The following TMEM135 variants were observed in gnomAD, a reference collection of about 807,000 sequenced individuals.
TMEM135 encodes transmembrane protein 135.
Under a neutral mutation model 60.3 loss-of-function variants are expected in TMEM135, and 30 were observed. That is an observed-to-expected ratio of 0.50 (90% CI 0.37 to 0.68). TMEM135 has a LOEUF of 0.68. TMEM135 is among the 30% of genes least tolerant of loss of function. The probability of loss-of-function intolerance (pLI) is 0.00; values close to 1 mark genes in which losing one functional copy is unlikely to be tolerated. For missense variants in TMEM135, 468 were observed against 548.8 expected (o/e 0.85, Z 1.47); for synonymous variants, 190 against 186.7 (o/e 1.02, Z -0.14).
intron 4 of TMEM135, among the ~76,000 whole-genome samples, chr11:87,139,136 T>A (rs778021424): frequency 6.6e-6 from 1 of 152,194 alleles, no homozygotes; most frequent in East Asian, 1.9e-4. Context: ...CTAAAGCATA[T>A]GAATTTCTTT....
At chr11:87,042,079 A>G (rs1272741177) in intron 1 of TMEM135, among the ~76,000 whole-genome samples, 1 of 152,246 alleles carries the variant, frequency 6.6e-6, no homozygotes, top group Non-Finnish European at 1.5e-5. Flanking sequence ...GCATGTACCA[A>G]TTTATTTAAC....
intron 5 of TMEM135, among the ~76,000 whole-genome samples, chr11:87,224,841 A>G (rs147821649): frequency 1.0e-3 from 154 of 151,216 alleles, no homozygotes; most frequent in African/African-American, 3.6e-3. Context: ...GTAAGTTTAT[A>G]TAAACACATT....
intron 1 of TMEM135, among the ~76,000 whole-genome samples, chr11:87,061,693 G>T (rs1463570067): frequency 6.6e-6 from 1 of 152,134 alleles, no homozygotes; most frequent in Non-Finnish European, 1.5e-5. Context: ...TTTATTCCAT[G>T]GCCGTAAAGT....
chr11:87,038,306 G>C, intron 1 of TMEM135, 120 bp downstream of exon 1: 1 of 1,268,362 alleles, frequency 7.9e-7, no homozygotes, highest in Non-Finnish European at 1.1e-6. Context: ...CTTTTGGAGG[G>C]GTCGGAGTGT....
intron 5 of TMEM135, among the ~76,000 whole-genome samples, chr11:87,211,971 G>C (rs1373685466): frequency 6.6e-6 from 1 of 151,920 alleles, no homozygotes; most frequent in Non-Finnish European, 1.5e-5. Context: ...AAAAGAAAAG[G>C]CTCATTGGCC....
At chr11:87,231,439 A>G (rs1208937905) in intron 5 of TMEM135, among the ~76,000 whole-genome samples, 1 of 152,238 alleles carries the variant, frequency 6.6e-6, no homozygotes, top group African/African-American at 2.4e-5. Flanking sequence ...GTAATGGGGA[A>G]TAATTAGCCC....
intron 4 of TMEM135, among the ~76,000 whole-genome samples, chr11:87,138,900 CAT>C (rs745711346): frequency 2.6e-5 from 4 of 152,160 alleles, no homozygotes; most frequent in Non-Finnish European, 5.9e-5. Flanking sequence ...TAATTGGTGA[CAT>C]GTGGAATTTT....
At chr11:87,226,312 T>C (rs529516167) in intron 5 of TMEM135, among the ~76,000 whole-genome samples, 1 of 152,314 alleles carries the variant, frequency 6.6e-6, no homozygotes, top group South Asian at 2.1e-4. Flanking sequence ...GCTCTGAGAG[T>C]ATACTTGAAT....
rs546864589 is a variant in TMEM135 at position 87,115,587 on chromosome 11, T to C, written c.396+24192T>C. On this transcript the variant is annotated intron_variant, in intron 4 of 14. Coordinates refer to ENST00000305494, the MANE Select transcript of TMEM135 (RefSeq NM_022918.4). Reference sequence around the variant, plus strand: ...AAATTGTGCAATTTAATGGTTTAATTGGCATAGACTTTTCTATTAGTTTTT... The same window carrying C: ...AAATTGTGCAATTTAATGGTTTAATCGGCATAGACTTTTCTATTAGTTTTT... 2.6e-5 allele frequency among the ~76,000 whole-genome samples: 4 copies of C among 152,252 alleles called. No homozygotes were observed. In the South Asian group the frequency reaches 8.3e-4, roughly 32 times the overall value.
chr11:87,227,511 A>T (rs956594286), intron 5 of TMEM135, among the ~76,000 whole-genome samples: 1 of 152,118 alleles, frequency 6.6e-6, no homozygotes, highest in Admixed American at 6.6e-5. Context: ...GAATAGAAAC[A>T]TAAAAAAAAA....
intron 4 of TMEM135, among the ~76,000 whole-genome samples, chr11:87,105,206 G>T (rs987485783): frequency 6.6e-6 from 1 of 152,096 alleles, no homozygotes; most frequent in African/African-American, 2.4e-5. Flanking sequence ...ATATCACAGG[G>T]GTCCCCAAAC....
intron 5 of TMEM135, among the ~76,000 whole-genome samples, chr11:87,169,932 T>G (rs1939184848): frequency 6.6e-6 from 1 of 152,204 alleles, no homozygotes; most frequent in Non-Finnish European, 1.5e-5. Context: ...CATTTTCAGG[T>G]ACACCAATCA....
At chr11:87,294,681 C>G (rs1942319623) in intron 6 of TMEM135, among the ~76,000 whole-genome samples, 1 of 152,172 alleles carries the variant, frequency 6.6e-6, no homozygotes, top group African/African-American at 2.4e-5. Flanking sequence ...CTACACCCGG[C>G]CTAGGCCTTA....
At chr11:87,214,473 A>T (rs1237058037) in intron 5 of TMEM135, among the ~76,000 whole-genome samples, 1 of 152,214 alleles carries the variant, frequency 6.6e-6, no homozygotes, top group Non-Finnish European at 1.5e-5. Flanking sequence ...TTGGGAAGTT[A>T]CATCTTTTTA....
Position 87,315,051 on chromosome 11 carries a change from A to C in TMEM135, c.1077+504A>C, listed in dbSNP as rs574547637. On this transcript the variant is annotated intron_variant, in intron 12 of 14. Coordinates refer to ENST00000305494, the MANE Select transcript of TMEM135 (RefSeq NM_022918.4). ...TGTCTTCACTGATTATCTTATAAAT[A>C]TGTTTTTGCAATCATTTTATTTTAA... Among the ~76,000 whole-genome samples the C allele has an allele frequency of 2.1e-3, 323 of 152,020 alleles. 2 individuals carry two copies. Among genetic ancestry groups the C allele is most frequent in the African/African-American group, 7.5e-3 (310 of 41,534 alleles).
chr11:87,293,831 T>C (rs754308726), intron 6 of TMEM135, among the ~76,000 whole-genome samples: 3 of 152,212 alleles, frequency 2.0e-5, no homozygotes, highest in Non-Finnish European at 4.4e-5. Flanking sequence ...AACGTGTGCA[T>C]GTATCTTTAT....
intron 5 of TMEM135, among the ~76,000 whole-genome samples, chr11:87,214,294 A>G (rs1395696744): frequency 6.6e-6 from 1 of 152,218 alleles, no homozygotes; most frequent in Non-Finnish European, 1.5e-5. Context: ...CCAGCAGGTG[A>G]TCCTCTCCTG....
chr11:87,112,059 A>G, intron 4 of TMEM135, among the ~76,000 whole-genome samples: 1 of 152,180 alleles, frequency 6.6e-6, no homozygotes. Flanking sequence ...TATATGTGGC[A>G]ATAGTTGCAA....
intron 1 of TMEM135, among the ~76,000 whole-genome samples, chr11:87,066,931 C>A (rs911132537): frequency 1.3e-5 from 2 of 151,220 alleles, no homozygotes; most frequent in Non-Finnish European, 2.9e-5. Context: ...CAGGCGCCCA[C>A]CACCACGCCC....
Sources: gnomAD v4.1 joint callset for allele counts (sites outside exome capture counted in the v4.1 genomes callset) on GRCh38, gnomAD v4.1.1 for gene constraint, MANE v1.5 for transcripts, NCBI Gene and HGNC (gene_info 2026-07-23, HGNC 2026-07-21) for gene names.